The following PTPRN2 variants were observed in gnomAD, a reference collection of about 807,000 sequenced individuals.
The protein encoded by PTPRN2 is receptor-type tyrosine-protein phosphatase N2.
Under a neutral mutation model 118.8 loss-of-function variants are expected in PTPRN2, and 74 were observed. The observed-to-expected ratio is 0.62, with a 90% CI of 0.52 to 0.76. The LOEUF is 0.76. Among genes scored for constraint, PTPRN2 ranks in the 30% least tolerant of loss-of-function variants. PTPRN2 has a pLI of 0.00. For missense variants in PTPRN2, 1,481 were observed against 1,394.4 expected, an observed-to-expected ratio of 1.06 and a Z score of -0.99; for synonymous variants, 641 against 608.0, an observed-to-expected ratio of 1.05 and a Z score of -0.80.
At chr7:158,077,393 C>G (rs145578358) in intron 11 of PTPRN2, among the ~76,000 whole-genome samples, 1 of 152,184 alleles carries the variant, frequency 6.6e-6, no homozygotes, top group Non-Finnish European at 1.5e-5. Flanking sequence ...TGAAATGACA[C>G]GGGGCGCCTC....
chr7:157,979,789 A>G (rs1803001648), intron 11 of PTPRN2, among the ~76,000 whole-genome samples: 1 of 152,216 alleles, frequency 6.6e-6, no homozygotes, highest in South Asian at 2.1e-4. Context: ...TCCGTTGCAT[A>G]GAATACAGTG....
intron 3 of PTPRN2, among the ~76,000 whole-genome samples, chr7:158,211,228 A>G (rs1260584375): frequency 6.6e-6 from 1 of 152,186 alleles, no homozygotes; most frequent in Non-Finnish European, 1.5e-5. Flanking sequence ...ACTAAAAGAA[A>G]ACACTGGGAA....
chr7:157,630,651 A>G (rs769333194), intron 14 of PTPRN2, among the ~76,000 whole-genome samples: 7 of 152,230 alleles, frequency 4.6e-5, no homozygotes, highest in Non-Finnish European at 8.8e-5. Flanking sequence ...GCACAGGCCC[A>G]TGGCAGCCAA....
intron 2 of PTPRN2, among the ~76,000 whole-genome samples, chr7:158,343,081 A>C (rs1807187897): frequency 6.6e-6 from 1 of 152,144 alleles, no homozygotes; most frequent in African/African-American, 2.4e-5. Flanking sequence ...CAAAATTAAA[A>C]CTTCTGTGCA....
chr7:157,860,305 ACT>A (rs1239976007), intron 12 of PTPRN2, among the ~76,000 whole-genome samples: 1 of 151,964 alleles, frequency 6.6e-6, no homozygotes, highest in Non-Finnish European at 1.5e-5. Context: ...CCAAGCCAAG[ACT>A]CTCTCTAGGG....
chr7:157,656,411 C>A lies in PTPRN2; in HGVS notation c.2142G>T (p.Trp714Cys). 1 of 1,553,212 alleles carries A rather than the reference C, an allele frequency of 6.4e-7. No individual in the cohort carries two copies. The highest frequency in any genetic ancestry group is 8.7e-7 in the Non-Finnish European group (1 of 1,148,128). The change falls in exon 14 of 23, where the codon TGG becomes TGT. Residue 714 changes from tryptophan to cysteine, a missense_variant. This residue lies in a region of PTPRN2 where 1,115 missense variants were observed against 994.2 expected (regional missense o/e 1.12). Transcript: ENST00000389418. Reference protein sequence around the residue: ...SPSARSSASSWSEEPVQSNMD... With the variant: ...SPSARSSASSCSEEPVQSNMD... ...TGTTGGACTGCACAGGCTCCTCGGA[C>A]CAGGATGAGGCGCTGCTGCGTGCGG...
intron 11 of PTPRN2, among the ~76,000 whole-genome samples, chr7:157,972,716 C>T (rs558159214): frequency 2.4e-4 from 36 of 147,324 alleles, no homozygotes; most frequent in African/African-American, 5.2e-4. Context: ...CTCCACACCA[C>T]GAGAGCAGGG....
intron 4 of PTPRN2, 140 bp from the exon 5 acceptor site, chr7:158,192,635 C>T: frequency 1.0e-6 from 1 of 987,374 alleles, no homozygotes; most frequent in East Asian, 3.1e-5. Context: ...TGCTCCATGA[C>T]CATGGGTTTG....
intron 11 of PTPRN2, among the ~76,000 whole-genome samples, chr7:158,059,244 C>A (rs180685117): frequency 1.2e-4 from 15 of 121,852 alleles, no homozygotes; most frequent in African/African-American, 2.7e-4. Context: ...CTCCATCTGC[C>A]CACAGTGAGA....
chr7:157,625,209 A>C (rs1418851843), intron 14 of PTPRN2, among the ~76,000 whole-genome samples: 1 of 152,240 alleles, frequency 6.6e-6, no homozygotes, highest in Non-Finnish European at 1.5e-5. Context: ...ATACCATATG[A>C]TCCGGCAATC....
At chr7:158,315,779 A>G (rs1802270404) in intron 3 of PTPRN2, among the ~76,000 whole-genome samples, 1 of 152,246 alleles carries the variant, frequency 6.6e-6, no homozygotes, top group Non-Finnish European at 1.5e-5. Context: ...ATAGACGTCT[A>G]TGAAGTGGTA....
intron 2 of PTPRN2, among the ~76,000 whole-genome samples, chr7:158,474,187 A>G (rs1820074766): frequency 6.6e-6 from 1 of 152,202 alleles, no homozygotes; most frequent in Non-Finnish European, 1.5e-5. Flanking sequence ...GGCCAACCCA[A>G]GAGGCACAGC....
chr7:158,106,557 C>T (rs1394301937), intron 10 of PTPRN2, among the ~76,000 whole-genome samples: 1 of 152,214 alleles, frequency 6.6e-6, no homozygotes, highest in Admixed American at 6.5e-5. Flanking sequence ...CAGAAGTGTG[C>T]CACTTTGGGA....
At chr7:158,457,986 T>C (rs1471130596) in intron 2 of PTPRN2, among the ~76,000 whole-genome samples, 1 of 152,198 alleles carries the variant, frequency 6.6e-6, no homozygotes, top group Non-Finnish European at 1.5e-5. Flanking sequence ...CTGGGAGTTT[T>C]AGAAATTGGG....
At chr7:158,030,000 A>T (rs1458180436) in intron 11 of PTPRN2, 1 of 152,246 alleles carries the variant, frequency 6.6e-6, no homozygotes. Context: ...CATCAAAGAC[A>T]TGTAGAGAGA....
chr7:158,236,488 C>T (rs887192804), intron 3 of PTPRN2, among the ~76,000 whole-genome samples: 45 of 152,164 alleles, frequency 3.0e-4, no homozygotes, highest in Non-Finnish European at 4.7e-4. Context: ...CAAAGCTGCC[C>T]GAAGGTGGGG....
At chr7:158,056,024 C>A (rs117550270) in intron 11 of PTPRN2, among the ~76,000 whole-genome samples, 1 of 152,166 alleles carries the variant, frequency 6.6e-6, no homozygotes, top group Non-Finnish European at 1.5e-5. Flanking sequence ...GAGTCCGGGC[C>A]GAGGCCCCTT....
intron 21 of PTPRN2, among the ~76,000 whole-genome samples, chr7:157,555,674 A>G (rs989110481): frequency 1.3e-4 from 20 of 151,868 alleles, no homozygotes; most frequent in African/African-American, 4.8e-4. Context: ...TGCAAACTGC[A>G]GGGATGCAAT....
intron 11 of PTPRN2, among the ~76,000 whole-genome samples, chr7:157,963,095 C>A (rs547076344): frequency 4.6e-5 from 7 of 152,238 alleles, no homozygotes; most frequent in Admixed American, 1.3e-4. Flanking sequence ...CCAGCACAGA[C>A]GTGCTCAGCA....
Sources: allele counts gnomAD v4.1 joint callset (sites outside exome capture counted in the v4.1 genomes callset), GRCh38; gene constraint gnomAD v4.1.1; regional missense constraint gnomAD v4.1.1; transcripts MANE v1.5; gene names NCBI Gene and HGNC (gene_info 2026-07-23, HGNC 2026-07-21).